The following TNRC18 variants were observed in gnomAD, a reference collection of about 807,000 sequenced individuals.
The protein encoded by TNRC18 is trinucleotide repeat-containing gene 18 protein.
Under a neutral mutation model 226.7 loss-of-function variants are expected in TNRC18, and 69 were observed. The ratio of observed to expected loss-of-function variants is 0.30; its 90% confidence interval spans 0.25 to 0.37. The LOEUF is 0.37. Ranked by LOEUF, TNRC18 falls within the 10% of genes least tolerant of loss-of-function variation. The pLI is 1.00. For missense variants in TNRC18, 4,754 were observed against 4,256.6 expected (o/e 1.12, Z -3.25); for synonymous variants, 2,449 against 1,927.6 (o/e 1.27, Z -7.09).
At chr7:5,385,135 G>C (rs187957436) in intron 5 of TNRC18, among the ~76,000 whole-genome samples, 12 of 152,362 alleles carry the variant, frequency 7.9e-5, no homozygotes, top group Non-Finnish European at 1.6e-4. Context: ...CACTGCAGGC[G>C]GGAGGTCCAG....
intron 5 of TNRC18, among the ~76,000 whole-genome samples, chr7:5,383,757 A>AC (rs1779560936): frequency 6.8e-6 from 1 of 146,236 alleles, no homozygotes; most frequent in South Asian, 2.2e-4. Context: ...TTCTTATGGG[A>AC]TTTTTTTTTT....
chr7:5,360,997 C>T (rs944588763), intron 14 of TNRC18, among the ~76,000 whole-genome samples: 5 of 152,316 alleles, frequency 3.3e-5, no homozygotes, highest in Admixed American at 2.0e-4. Context: ...CCTTTCCGAT[C>T]GTGCTACAGA....
At chr7:5,418,695 G>T (rs1782344044) in intron 2 of TNRC18, among the ~76,000 whole-genome samples, 1 of 152,348 alleles carries the variant, frequency 6.6e-6, no homozygotes, top group South Asian at 2.1e-4. Flanking sequence ...AAGACCTAAG[G>T]TGCCGACAGC....
intron 2 of TNRC18, among the ~76,000 whole-genome samples, chr7:5,398,004 C>A (rs1373488525): frequency 6.6e-6 from 1 of 151,998 alleles, no homozygotes; most frequent in Non-Finnish European, 1.5e-5. Flanking sequence ...AGTGTTGTTT[C>A]TTTTTTTAGA....
At position 5,309,249 on chromosome 7, in the gene TNRC18, G is replaced by C; in HGVS notation, c.8508C>G (p.Pro2836=). The change falls in exon 28 of 30, where the codon CCC becomes CCG. Residue 2836 remains proline, a synonymous_variant. Transcript: ENST00000430969. The surrounding 1 kb of genome is among the most constrained non-coding windows in gnomAD (Gnocchi z 5.7). ...VFLSAGRPNL[P]YIGRIQSMWE... ...ACATGCTCTGGATGCGGCCGATGTAGGGCAGGTTGGGGCGGCCGGCAGAGA... is the reference window on the plus strand; with the variant it reads ...ACATGCTCTGGATGCGGCCGATGTACGGCAGGTTGGGGCGGCCGGCAGAGA... 1 of 1,613,894 alleles carries C rather than the reference G, an allele frequency of 6.2e-7. No individual in the cohort carries two copies.
Position 5,387,701 on chromosome 7 carries a change from T to C in TNRC18, c.2123A>G (p.Glu708Gly). Reference protein sequence around the residue: ...GRLGPGLVDQERSLSLSNVKG... With the variant: ...GRLGPGLVDQGRSLSLSNVKG... ...GACGTTACTCAGCGACAGAGAGCGC[T>C]CCTGGTCTACCAGCCCAGGCCCCAG... Residue 708 changes from glutamate to glycine, a missense_variant, in exon 5 of 30, where the codon GAG becomes GGG. Physicochemically the swap from Glu to Gly is moderately conservative, Grantham distance 98. Coordinates refer to ENST00000430969, the MANE Select transcript of TNRC18 (RefSeq NM_001080495.3). 6.2e-7 allele frequency: 1 copy of C among 1,605,388 alleles called. No individual in the cohort carries two copies. Among genetic ancestry groups the C allele is most frequent in the Non-Finnish European group, 8.5e-7 (1 of 1,179,832 alleles).
At position 5,345,570 on chromosome 7, in the gene TNRC18, C is replaced by A; in HGVS notation, c.5711G>T (p.Ser1904Ile). Residue 1904 changes from serine to isoleucine, a missense_variant, in exon 18 of 30, where the codon AGC becomes ATC. Coordinates refer to ENST00000430969, the MANE Select transcript of TNRC18 (RefSeq NM_001080495.3). ...CACCTGCTGCCACTTACCCAGCAGG[C>A]TCTGCCGCTCCTCTTTCTTCCGGGC... ...QKARKKEERQ[S>I]LLGTEFEYTD... 6.6e-7 allele frequency: 1 copy of A among 1,510,840 alleles called. No homozygotes were observed. Among genetic ancestry groups the A allele is most frequent in the Non-Finnish European group, 8.9e-7 (1 of 1,124,376 alleles). 93.6% of individuals were successfully genotyped at this position (1,510,840 alleles called of 1,614,324 possible).
At chr7:5,369,938 A>C (rs11976015) in intron 11 of TNRC18, among the ~76,000 whole-genome samples, 3,475 of 152,312 alleles carry the variant, frequency 0.023, 147 homozygotes, top group African/African-American at 0.08. Flanking sequence ...TGTTATGTGT[A>C]TCTTAACCAC....
At chr7:5,374,887 G>A (rs774726591) in intron 9 of TNRC18, among the ~76,000 whole-genome samples, 4 of 152,206 alleles carry the variant, frequency 2.6e-5, no homozygotes, top group East Asian at 1.9e-4. Flanking sequence ...GCTTCACTGC[G>A]TCATCATTTT....
chr7:5,313,835 G>T lies in TNRC18; in HGVS notation c.7056C>A (p.Asn2352Lys), dbSNP rs953136822. 3 of 1,498,054 alleles carry T rather than the reference G, an allele frequency of 2.0e-6. No individual in the cohort carries two copies. Among genetic ancestry groups the T allele is most frequent in the African/African-American group, 2.8e-5 (2 of 71,094 alleles). 92.8% of individuals were successfully genotyped at this position (1,498,054 alleles called of 1,614,324 possible). A position where few individuals can be genotyped will look rare whatever the true frequency, so the allele number is the denominator to read the frequency against. The change falls in exon 27 of 30, where the codon AAC becomes AAA. Residue 2352 changes from asparagine to lysine, a missense_variant. Coordinates refer to ENST00000430969, the MANE Select transcript of TNRC18 (RefSeq NM_001080495.3). ...GDRAATLEEGNPTDEVPSTPL... is the reference protein window; with the variant it reads ...GDRAATLEEGKPTDEVPSTPL... ...GGGTACTGGGGACCTCGTCTGTTGGGTTCCCCTCCTCCAGGGTAGCGGCTC... is the reference window on the plus strand; with the variant it reads ...GGGTACTGGGGACCTCGTCTGTTGGTTTCCCCTCCTCCAGGGTAGCGGCTC...
intron 2 of TNRC18, among the ~76,000 whole-genome samples, chr7:5,401,813 C>T (rs1383764881): frequency 6.6e-6 from 1 of 152,170 alleles, no homozygotes; most frequent in Admixed American, 6.5e-5. Context: ...AGGAACTGGG[C>T]ACAGTGGCTC....
intron 2 of TNRC18, among the ~76,000 whole-genome samples, chr7:5,409,779 A>T (rs571924554): frequency 6.8e-6 from 1 of 147,602 alleles, no homozygotes; most frequent in Non-Finnish European, 1.5e-5. Flanking sequence ...GATCGAGACC[A>T]TCGTGGCTAA....
chr7:5,375,279 A>C (rs1004812325), intron 9 of TNRC18, among the ~76,000 whole-genome samples: 2 of 152,202 alleles, frequency 1.3e-5, no homozygotes, highest in Non-Finnish European at 2.9e-5. Flanking sequence ...ACTGCACTCC[A>C]GCCTGGGCGA....
At chr7:5,339,008 C>T (rs1251136615) in intron 18 of TNRC18, among the ~76,000 whole-genome samples, 1 of 145,822 alleles carries the variant, frequency 6.9e-6, no homozygotes, top group Non-Finnish European at 1.5e-5. Context: ...TCCAAAATTA[C>T]TAGACAAGGC....
intron 29 of TNRC18, among the ~76,000 whole-genome samples, 168 bp from the exon 30 acceptor site, chr7:5,308,480 AGAGACCGAGAGATG>A (rs1404881119): frequency 6.6e-6 from 1 of 152,078 alleles, no homozygotes; most frequent in Non-Finnish European, 1.5e-5. Flanking sequence ...AAAGAGAGAC[AGAGACCGAGAGATG>A]GAGAGCAAAT....
At position 5,312,628 on chromosome 7, in the gene TNRC18, C is replaced by T. The variant is rs374974528; in HGVS notation, c.8263G>A (p.Val2755Ile). 29 of 1,610,112 alleles carry T rather than the reference C, an allele frequency of 1.8e-5. No individual in the cohort carries two copies. Among genetic ancestry groups the T allele is most frequent in the Middle Eastern group, 2.2e-4 (1 of 4,486 alleles). ...AKSRPKKREG[V>I]HLPTTKELAK... is the part of the protein sequence containing the mutation. ...AGCTCCTTGGTGGTGGGGAGGTGGA[C>T]GCCCTCTCTCTTCTTGGGTCGGCTC... Residue 2755 changes from valine to isoleucine, a missense_variant, in exon 27 of 30, where the codon GTC becomes ATC. By Grantham distance (29) the Val-to-Ile change is conservative. Transcript: ENST00000430969. The surrounding 1 kb of genome is among the most constrained non-coding windows in gnomAD (Gnocchi z 6.3).
chr7:5,370,178 C>T (rs1028207323), intron 11 of TNRC18, among the ~76,000 whole-genome samples, 197 bp downstream of exon 11: 1 of 151,952 alleles, frequency 6.6e-6, no homozygotes, highest in Non-Finnish European at 1.5e-5. Context: ...AAAAAGTTAG[C>T]TGGGCATGGT....
Position 5,307,206 on chromosome 7 carries a change from TG to T in TNRC18, c.*899del, listed in dbSNP as rs1279162842. On this transcript the variant is annotated 3_prime_UTR_variant, in exon 30 of 30. Coordinates refer to ENST00000430969, the MANE Select transcript of TNRC18 (RefSeq NM_001080495.3). Reference sequence around the variant, plus strand: ...AAAAATAATATTCTGCACGTCAGAATGTTTTTTTTTATAATTTCATAGCTAT... The same window carrying T: ...AAAAATAATATTCTGCACGTCAGAATTTTTTTTTTATAATTTCATAGCTAT... The T allele has an allele frequency of 8.6e-5, 4 of 46,270 alleles. No homozygotes were observed. Among genetic ancestry groups the T allele is most frequent in the South Asian group, 3.6e-4 (1 of 2,790 alleles). The allele number at this position is 46,270 out of a possible 1,614,324, so 2.9% of individuals were successfully genotyped here. A position where few individuals can be genotyped will look rare whatever the true frequency, so the allele number is the denominator to read the frequency against.
intron 5 of TNRC18, among the ~76,000 whole-genome samples, chr7:5,386,692 G>A (rs565599586): frequency 1.3e-5 from 2 of 152,192 alleles, no homozygotes; most frequent in East Asian, 1.9e-4. Context: ...CAAGGCTACG[G>A]TAAGCTATGA....
Sources: gnomAD v4.1 joint callset for allele counts (sites outside exome capture counted in the v4.1 genomes callset) on GRCh38, gnomAD v4.1.1 for gene constraint, Gnocchi (gnomAD v3.1) non-coding constraint, MANE v1.5 for transcripts, NCBI Gene and HGNC (gene_info 2026-07-23, HGNC 2026-07-21) for gene names.